PPP1R12B: variants seen among roughly 807,000 people sequenced by gnomAD.
PPP1R12B encodes protein phosphatase 1 regulatory subunit 12B, also known as myosin phosphatase target subunit 2.
In PPP1R12B, 76 loss-of-function variants were observed where a neutral mutation model predicts 126.1. That is an observed-to-expected ratio of 0.60 (90% CI 0.50 to 0.73). The LOEUF (loss-of-function observed/expected upper bound fraction) is 0.73. Among genes scored for constraint, PPP1R12B ranks in the 30% least tolerant of loss-of-function variants. The pLI is 0.00. For synonymous variants in PPP1R12B, 356 were observed against 434.7 expected (o/e 0.82, Z 2.25); for missense variants, 1,052 against 1,205.1 (o/e 0.87, Z 1.88).
chr1:202,372,867 C>A (rs1660533551), intron 1 of PPP1R12B, among the ~76,000 whole-genome samples: 1 of 152,006 alleles, frequency 6.6e-6, no homozygotes, highest in African/African-American at 2.4e-5. Context: ...TCTTACTGAA[C>A]TATGTTGTTG....
At chr1:202,498,239 A>C (rs1679805920) in intron 18 of PPP1R12B, among the ~76,000 whole-genome samples, 1 of 152,222 alleles carries the variant, frequency 6.6e-6, no homozygotes, top group South Asian at 2.1e-4. Context: ...AGACTGTTGC[A>C]GTTTGATGTG....
chr1:202,396,346 T>C (rs1490432175), intron 1 of PPP1R12B, among the ~76,000 whole-genome samples: 3 of 152,176 alleles, frequency 2.0e-5, no homozygotes, highest in African/African-American at 7.2e-5. Flanking sequence ...AAAATGATGA[T>C]GATGATAATA....
intron 1 of PPP1R12B, among the ~76,000 whole-genome samples, chr1:202,380,658 G>A (rs1207376954): frequency 1.3e-5 from 2 of 151,930 alleles, no homozygotes; most frequent in African/African-American, 4.8e-5. Context: ...TCTCTTCTTC[G>A]CTGTTGCCTG....
At chr1:202,467,765 T>C (rs1263093123) in intron 13 of PPP1R12B, among the ~76,000 whole-genome samples, 1 of 152,320 alleles carries the variant, frequency 6.6e-6, no homozygotes, top group East Asian at 1.9e-4. Flanking sequence ...GGTCAAATGG[T>C]ATTTCTAGTT....
chr1:202,534,726 T>G (rs1479090638), intron 18 of PPP1R12B, among the ~76,000 whole-genome samples: 1 of 152,114 alleles, frequency 6.6e-6, no homozygotes, highest in Non-Finnish European at 1.5e-5. Context: ...TACCCTCCTC[T>G]TATTGCCAGG....
At chr1:202,446,126 T>A (rs1672202545) in intron 12 of PPP1R12B, among the ~76,000 whole-genome samples, 1 of 150,940 alleles carries the variant, frequency 6.6e-6, no homozygotes, top group African/African-American at 2.4e-5. Context: ...TAGGTCCTTA[T>A]AATAATCCAG....
At chr1:202,478,592 T>C (rs1676970051) in intron 13 of PPP1R12B, among the ~76,000 whole-genome samples, 1 of 152,112 alleles carries the variant, frequency 6.6e-6, no homozygotes, top group South Asian at 2.1e-4. Flanking sequence ...TCATAGTATA[T>C]AGTTTTTATA....
chr1:202,541,370 G>A (rs1053816698), intron 18 of PPP1R12B, among the ~76,000 whole-genome samples: 30 of 152,274 alleles, frequency 2.0e-4, no homozygotes, highest in Admixed American at 9.8e-4. Flanking sequence ...ATATTGTTAC[G>A]AAGTTATTTT....
chr1:202,367,551 C>T (rs1659454097), intron 1 of PPP1R12B, among the ~76,000 whole-genome samples: 1 of 152,162 alleles, frequency 6.6e-6, no homozygotes, highest in Non-Finnish European at 1.5e-5. Context: ...ACTCCAGTTG[C>T]TAGGAATAGA....
chr1:202,374,613 C>T (rs1466975515), intron 1 of PPP1R12B, among the ~76,000 whole-genome samples: 2 of 149,908 alleles, frequency 1.3e-5, no homozygotes, highest in East Asian at 2.0e-4. Context: ...ATTCTCCTGC[C>T]TCAGCCTCCT....
intron 1 of PPP1R12B, among the ~76,000 whole-genome samples, chr1:202,398,484 T>G (rs531522129): frequency 3.9e-4 from 59 of 152,356 alleles, no homozygotes; most frequent in African/African-American, 1.4e-3. Flanking sequence ...TAAATTGCCT[T>G]TTGGAAAATA....
intron 8 of PPP1R12B, among the ~76,000 whole-genome samples, chr1:202,431,903 G>A (rs1464120082): frequency 6.6e-6 from 1 of 152,142 alleles, no homozygotes; most frequent in Non-Finnish European, 1.5e-5. Context: ...AAGTGCGGTG[G>A]CTTGCTTTAA....
chr1:202,450,103 T>C (rs1278575090), intron 13 of PPP1R12B, among the ~76,000 whole-genome samples: 2 of 152,236 alleles, frequency 1.3e-5, no homozygotes, highest in African/African-American at 4.8e-5. Context: ...GGATCTTTTG[T>C]TTTGTTATGG....
chr1:202,472,159 T>A (rs528878038), intron 13 of PPP1R12B: 2 of 922,536 alleles, frequency 2.2e-6, no homozygotes, highest in Non-Finnish European at 3.2e-6. Context: ...AAACAAAAGT[T>A]TTTTATATAT....
intron 23 of PPP1R12B, chr1:202,575,280 A>T: frequency 6.4e-6 from 8 of 1,243,554 alleles, no homozygotes; most frequent in Non-Finnish European, 8.7e-6. Flanking sequence ...TTATCTGCAG[A>T]TGGAAGCAGC....
chr1:202,416,763 G>T, intron 1 of PPP1R12B, 24 bp from the exon 2 acceptor site: 1 of 1,609,314 alleles, frequency 6.2e-7, no homozygotes, highest in African/African-American at 1.3e-5. Flanking sequence ...CTTGTTGAAT[G>T]AATGAATGGA....
intron 1 of PPP1R12B, among the ~76,000 whole-genome samples, chr1:202,381,914 C>T (rs1371114105): frequency 1.3e-5 from 2 of 152,196 alleles, no homozygotes; most frequent in Admixed American, 6.5e-5. Flanking sequence ...CCAACCATTC[C>T]ATTAGTGGGT....
chr1:202,533,484 T>G (rs891382386), intron 18 of PPP1R12B, among the ~76,000 whole-genome samples: 4 of 152,072 alleles, frequency 2.6e-5, no homozygotes, highest in Non-Finnish European at 4.4e-5. Context: ...TTGTTTTGTT[T>G]TGTTTTGTTT....
rs1164067186 is a variant in PPP1R12B at position 202,396,931 on chromosome 1, T to C, written c.292-19856T>C. Among the ~76,000 whole-genome samples, 8 of 152,242 alleles carry C rather than the reference T, an allele frequency of 5.3e-5. 1 individual carries two copies. Among genetic ancestry groups the C allele is most frequent in the Admixed American group, 5.2e-4 (8 of 15,282 alleles). On this transcript the variant is annotated intron_variant, in intron 1 of 23. Transcript: ENST00000608999. The stretch of plus-strand genomic sequence containing the variant: ...CCCATTTAAGGCTAATCCTTCTGTC[T>C]TTATTTTGGAGCCTTTCTCTTTAAT...
Sources: allele counts gnomAD v4.1 joint callset (sites outside exome capture counted in the v4.1 genomes callset), GRCh38; gene constraint gnomAD v4.1.1; transcripts MANE v1.5; gene names NCBI Gene and HGNC (gene_info 2026-07-23, HGNC 2026-07-21).